Variants in PTPRD observed in about 807,000 individuals in gnomAD.
The protein encoded by PTPRD is receptor-type tyrosine-protein phosphatase delta.
In PTPRD, 34 loss-of-function variants were observed where a neutral mutation model predicts 214.5. That is an observed-to-expected ratio of 0.16 (90% CI 0.12 to 0.21). The LOEUF is 0.21. Among genes scored for constraint, PTPRD ranks in the 10% least tolerant of loss-of-function variants. The pLI, the probability that PTPRD is intolerant of heterozygous loss-of-function variation, is 1.00. For missense variants in PTPRD, 2,545 were observed against 2,398.7 expected, an observed-to-expected ratio of 1.06 and a Z score of -1.27; for synonymous variants, 1,128 against 845.7, an observed-to-expected ratio of 1.33 and a Z score of -5.79.
At chr9:8,803,774 G>C (rs903540686) in intron 11 of PTPRD, among the ~76,000 whole-genome samples, 18 of 151,582 alleles carry the variant, frequency 1.2e-4, no homozygotes, top group African/African-American at 4.4e-4. Context: ...ACGAAATCAT[G>C]TTTGGTAGTC....
chr9:9,906,815 T>C (rs1322558266), intron 5 of PTPRD, among the ~76,000 whole-genome samples: 1 of 151,952 alleles, frequency 6.6e-6, no homozygotes, highest in Non-Finnish European at 1.5e-5. Flanking sequence ...AGCACATTCA[T>C]AAGATTATTC....
intron 12 of PTPRD, among the ~76,000 whole-genome samples, chr9:8,721,974 T>A (rs989960664): frequency 6.6e-6 from 1 of 152,252 alleles, no homozygotes; most frequent in Non-Finnish European, 1.5e-5. Context: ...TTTGCCCCCC[T>A]CAGGGGACAG....
At chr9:9,113,568 T>C (rs982978777) in intron 10 of PTPRD, among the ~76,000 whole-genome samples, 2 of 152,244 alleles carry the variant, frequency 1.3e-5, no homozygotes, top group Non-Finnish European at 1.5e-5. Context: ...GGGATGTTTT[T>C]TGAAGTGGTG....
At chr9:8,841,200 A>T (rs2097550531) in intron 11 of PTPRD, among the ~76,000 whole-genome samples, 1 of 152,182 alleles carries the variant, frequency 6.6e-6, no homozygotes, top group African/African-American at 2.4e-5. Flanking sequence ...CCTGATTACC[A>T]ATGGAGCTGG....
chr9:9,609,827 G>A (rs1324272084), intron 7 of PTPRD, among the ~76,000 whole-genome samples: 3 of 152,138 alleles, frequency 2.0e-5, no homozygotes, highest in Non-Finnish European at 4.4e-5. Context: ...AGGCTGGTGG[G>A]TTGTGTTTTG....
chr9:9,998,823 C>G (rs1394255345), intron 4 of PTPRD, among the ~76,000 whole-genome samples: 3 of 152,142 alleles, frequency 2.0e-5, no homozygotes, highest in Non-Finnish European at 4.4e-5. Context: ...TTTACTGACT[C>G]CAAGTACTCT....
intron 43 of PTPRD, 127 bp downstream of exon 43, chr9:8,338,795 C>A: frequency 1.2e-6 from 1 of 860,120 alleles, no homozygotes; most frequent in Non-Finnish European, 1.7e-6. Context: ...AAACGTTCTC[C>A]AGAATGAATG....
chr9:8,483,130 C>G (rs1315245737), intron 30 of PTPRD, among the ~76,000 whole-genome samples: 1 of 152,160 alleles, frequency 6.6e-6, no homozygotes, highest in Admixed American at 6.5e-5. Flanking sequence ...AGTTATTCAA[C>G]CAACTAGCTA....
chr9:8,557,745 TAAAAAAAAAAAAA>T (rs752836520), intron 14 of PTPRD, among the ~76,000 whole-genome samples: 4 of 46,780 alleles, frequency 8.6e-5, no homozygotes, highest in African/African-American at 4.8e-4. Context: ...TGTCTCTCAA[TAAAAAAAAAAAAA>T]AAAAAAAAAG....
At chr9:9,336,104 T>C (rs2044347320) in intron 9 of PTPRD, among the ~76,000 whole-genome samples, 2 of 152,102 alleles carry the variant, frequency 1.3e-5, no homozygotes, top group South Asian at 4.1e-4. Flanking sequence ...TAATCTTTTA[T>C]TTTCATTATT....
chr9:8,577,609 A>G (rs1339512488), intron 14 of PTPRD, among the ~76,000 whole-genome samples: 2 of 152,134 alleles, frequency 1.3e-5, no homozygotes, highest in African/African-American at 4.8e-5. Context: ...CAAGACTTCA[A>G]TCAAATCCTA....
At chr9:9,621,487 A>G (rs16929919) in intron 7 of PTPRD, among the ~76,000 whole-genome samples, 43,838 of 152,046 alleles carry the variant, frequency 0.29, 6,696 homozygotes, top group Non-Finnish European at 0.33. Flanking sequence ...CAGACTCTGG[A>G]ATAAATTATT....
chr9:8,495,443 T>C (rs575383627), intron 26 of PTPRD, among the ~76,000 whole-genome samples: 12 of 152,318 alleles, frequency 7.9e-5, no homozygotes, highest in African/African-American at 2.9e-4. Context: ...AATAACTCTT[T>C]TTACCTGCTT....
intron 2 of PTPRD, among the ~76,000 whole-genome samples, chr9:10,597,604 TTTAA>T (rs1179449531): frequency 2.6e-5 from 4 of 151,782 alleles, no homozygotes; most frequent in African/African-American, 9.7e-5. Flanking sequence ...GGAAAATATT[TTTAA>T]TTAACGCATT....
At chr9:8,331,470 A>C (rs1269683169) in intron 44 of PTPRD, 112 bp downstream of exon 44, 3 of 1,233,930 alleles carry the variant, frequency 2.4e-6, no homozygotes, top group Non-Finnish European at 3.4e-6. Flanking sequence ...AAGTTTTGTA[A>C]TACATTGCCA....
chr9:8,704,015 A>G (rs889089247), intron 12 of PTPRD, among the ~76,000 whole-genome samples: 3 of 152,098 alleles, frequency 2.0e-5, no homozygotes, highest in Non-Finnish European at 4.4e-5. Context: ...CTCACCCTCA[A>G]TATATGAGGA....
intron 5 of PTPRD, among the ~76,000 whole-genome samples, chr9:9,784,944 C>A (rs1316431357): frequency 6.8e-6 from 1 of 147,398 alleles, no homozygotes. Context: ...ATGGTTTGAG[C>A]AGGGTTTGCT....
intron 3 of PTPRD, among the ~76,000 whole-genome samples, chr9:10,150,261 C>T (rs181606448): frequency 1.3e-5 from 2 of 152,200 alleles, no homozygotes; most frequent in East Asian, 3.9e-4. Flanking sequence ...GGAACCAACC[C>T]AAATGTCCAT....
intron 12 of PTPRD, among the ~76,000 whole-genome samples, chr9:8,641,591 A>G (rs755272997): frequency 8.2e-5 from 11 of 133,978 alleles, no homozygotes; most frequent in Non-Finnish European, 1.3e-4. Flanking sequence ...GAAGCTACGC[A>G]TGCATATGCG....
Sources: gnomAD v4.1 joint callset for allele counts (sites outside exome capture counted in the v4.1 genomes callset) on GRCh38, gnomAD v4.1.1 for gene constraint, MANE v1.5 for transcripts, NCBI Gene and HGNC (gene_info 2026-07-23, HGNC 2026-07-21) for gene names.